Variants in ACACB observed in about 807,000 individuals in gnomAD.
ACACB encodes acetyl-CoA carboxylase 2.
A neutral mutation model predicts 278.8 loss-of-function variants in ACACB; 209 were observed. The observed-to-expected ratio is 0.75, with a 90% CI of 0.67 to 0.84. ACACB has a LOEUF of 0.84. Ranked by LOEUF, ACACB falls within the 40% of genes least tolerant of loss-of-function variation. ACACB has a pLI of 0.00. For synonymous variants in ACACB, 1,174 were observed against 1,285.6 expected (o/e 0.91, Z 1.86); for missense variants, 2,850 against 3,269.0 (o/e 0.87, Z 3.13).
chr12:109,171,049 T>C (rs1242423496), intron 4 of ACACB, among the ~76,000 whole-genome samples: 18 of 144,344 alleles, frequency 1.2e-4, no homozygotes, highest in Middle Eastern at 3.6e-3. Context: ...AGACAAAGTC[T>C]CTGTGTGTTG....
At chr12:109,208,159 ACT>A (rs936159653) in intron 20 of ACACB, among the ~76,000 whole-genome samples, 1 of 151,156 alleles carries the variant, frequency 6.6e-6, no homozygotes, top group Admixed American at 6.6e-5. Flanking sequence ...CAGGATTCTG[ACT>A]CTGTGCTCTT....
rs1565990549 is a variant in ACACB, at chr12:109,266,387, G to A, written c.*25G>A. 6.3e-7 allele frequency: 1 copy of A among 1,584,702 alleles called. No individual in the cohort carries two copies. Among genetic ancestry groups the A allele is most frequent in the Non-Finnish European group, 8.6e-7 (1 of 1,168,344 alleles). ...ACCGTGGCCCGCCCAGCCACTCCCG[G>A]GACCACGGCAAAAGGAACCACCCAG... On this transcript the variant is annotated 3_prime_UTR_variant, in exon 53 of 53. Coordinates refer to ENST00000338432, the MANE Select transcript of ACACB (RefSeq NM_001093.4).
At chr12:109,209,983 G>A (rs1327087170) in intron 21 of ACACB, among the ~76,000 whole-genome samples, 1 of 84,246 alleles carries the variant, frequency 1.2e-5, no homozygotes, top group Non-Finnish European at 2.4e-5. Flanking sequence ...ATACACACAC[G>A]TGTGTGTATA....
chr12:109,263,242 T>G (rs1255094296), intron 49 of ACACB: 1 of 152,140 alleles, frequency 6.6e-6, no homozygotes, highest in Non-Finnish European at 1.5e-5. Flanking sequence ...AGTGGCGCAA[T>G]CTCAGCTCAC....
intron 24 of ACACB, among the ~76,000 whole-genome samples, chr12:109,221,827 C>T (rs1275859336): frequency 6.7e-6 from 1 of 150,074 alleles, no homozygotes; most frequent in South Asian, 2.1e-4. Flanking sequence ...TATAAAGGGT[C>T]TAGCTGTTTA....
In ACACB at chr12:109,233,927, C is replaced by A. The variant is rs761276325; in HGVS notation, c.4240-11C>A. ...GGCTTTCCAGCCCTACCCCTTGCTT[C>A]TCCCTCTCAGAGCCTCAGAGAAGAG... is the stretch of plus-strand genomic sequence containing the variant. On this transcript the variant is annotated splice_polypyrimidine_tract_variant and intron_variant, in intron 30 of 52. Transcript: ENST00000338432. The A allele has an allele frequency of 1.2e-6, 2 of 1,613,702 alleles. No individual in the cohort carries two copies. Among genetic ancestry groups the A allele is most frequent in the African/African-American group, 2.7e-5 (2 of 74,926 alleles).
rs557095326 is a variant in ACACB at position 109,210,123 on chromosome 12, A to G, written c.3249+770A>G. Among the ~76,000 whole-genome samples, 4 of 93,738 alleles carry G rather than the reference A, an allele frequency of 4.3e-5. 1 individual carries two copies. Among genetic ancestry groups the G allele is most frequent in the Admixed American group, 3.2e-4 (3 of 9,400 alleles). 61.5% of individuals were successfully genotyped at this position (93,738 alleles called of 152,430 possible). A position where few individuals can be genotyped will look rare whatever the true frequency, so the allele number is the denominator to read the frequency against. ...TGTGTGTATATGTATATATACACGT[A>G]CATGTATGTGTGTATATATGTATAT... On this transcript the variant is annotated intron_variant, in intron 21 of 52. Transcript: ENST00000338432.
At chr12:109,114,054 A>C (rs2042357839), upstream of ACACB, among the ~76,000 whole-genome samples, 1 of 152,022 alleles carries the variant, frequency 6.6e-6, no homozygotes, top group Non-Finnish European at 1.5e-5. Context: ...GTCATGGCTC[A>C]CTGCAGCCTC....
At chr12:109,143,780 C>G (rs1395287680) in intron 2 of ACACB, among the ~76,000 whole-genome samples, 1 of 152,084 alleles carries the variant, frequency 6.6e-6, no homozygotes, top group African/African-American at 2.4e-5. Context: ...TTCAGGGAGT[C>G]AAGCCTTAGA....
chr12:109,190,653 C>T lies in ACACB; in HGVS notation c.2145-960C>T, dbSNP rs568352253. Reference sequence around the variant, plus strand: ...TTTTTTTTCTTCTTTTAAGAGATAGCGTCTCACTGTGTTGCCCAGGCTGGA... The same window carrying T: ...TTTTTTTTCTTCTTTTAAGAGATAGTGTCTCACTGTGTTGCCCAGGCTGGA... On this transcript the variant is annotated intron_variant, in intron 13 of 52. Coordinates refer to ENST00000338432, the MANE Select transcript of ACACB (RefSeq NM_001093.4). Among the ~76,000 whole-genome samples the T allele has an allele frequency of 2.6e-5, 4 of 151,762 alleles. No individual in the cohort carries two copies. In the South Asian group the frequency reaches 6.3e-4, roughly 24 times the overall value.
Position 109,231,998 on chromosome 12 carries a change from A to G in ACACB, c.4002-671A>G, listed in dbSNP as rs78609625. On this transcript the variant is annotated intron_variant, in intron 28 of 52. Transcript: ENST00000338432. The stretch of plus-strand genomic sequence containing the variant: ...ACGATAGGAACCTTCCCCAAGTCCA[A>G]GTTCCCAGAGGCCAGCCAAGGGCTG... Among the ~76,000 whole-genome samples, 864 of 152,278 alleles carry G rather than the reference A, an allele frequency of 5.7e-3. 6 individuals carry two copies. Among genetic ancestry groups the G allele is most frequent in the African/African-American group, 0.015 (628 of 41,556 alleles).
intron 15 of ACACB, among the ~76,000 whole-genome samples, chr12:109,192,528 G>A (rs2044930896): frequency 6.6e-6 from 1 of 152,078 alleles, no homozygotes; most frequent in Non-Finnish European, 1.5e-5. Context: ...TTCCCTCTGA[G>A]TCATGACAAT....
In ACACB at chr12:109,206,778, G is replaced by C; in HGVS notation, c.2982G>C (p.Gln994His). ...TLPILGEKLH[Q>H]VFHSVLENLT... ...CCATCCTCGGAGAGAAACTGCACCA[G>C]GTCTTCCACAGCGTCCTGGAAAACC... Residue 994 changes from glutamine (Q) to histidine (H), a missense_variant, in exon 20 of 53, where the codon CAG becomes CAC. Coordinates refer to ENST00000338432, the MANE Select transcript of ACACB (RefSeq NM_001093.4). 1 of 1,614,116 alleles carries C rather than the reference G, an allele frequency of 6.2e-7. No homozygotes were observed. The highest frequency in any genetic ancestry group is 8.5e-7 in the Non-Finnish European group (1 of 1,180,022).
intron 24 of ACACB, among the ~76,000 whole-genome samples, chr12:109,217,849 G>A (rs1439347617): frequency 6.6e-6 from 1 of 152,200 alleles, no homozygotes; most frequent in African/African-American, 2.4e-5. Flanking sequence ...CAGGCAATGA[G>A]TCGGGTTTGT....
In ACACB at chr12:109,203,258, C is replaced by T. The variant is rs568574745; in HGVS notation, c.2913+1557C>T. On this transcript the variant is annotated intron_variant, in intron 19 of 52. Coordinates refer to ENST00000338432, the MANE Select transcript of ACACB (RefSeq NM_001093.4). ...AATCACATTTTGTTTATCCACCCAT[C>T]CACTGATGGACACTTGGATTGTTTC... Among the ~76,000 whole-genome samples the T allele has an allele frequency of 2.6e-5, 4 of 152,314 alleles. No individual in the cohort carries two copies. In the South Asian group the frequency reaches 8.3e-4, roughly 32 times the overall value.
chr12:109,199,492 A>G lies in ACACB; in HGVS notation c.2718A>G (p.Thr906=). 6.4e-7 allele frequency: 1 copy of G among 1,563,708 alleles called. No individual in the cohort carries two copies. Among genetic ancestry groups the G allele is most frequent in the Non-Finnish European group, 8.7e-7 (1 of 1,154,698 alleles). Residue 906 remains threonine (T), a synonymous_variant, in exon 18 of 53, where the codon ACA becomes ACG. Transcript: ENST00000338432. ...GATCCCCCTCGGCTGGGAAGCTGAC[A>G]CAGTACACAGTGGAGGATGGGGGCC... ...VLRSPSAGKL[T]QYTVEDGGHV...
At chr12:109,130,245 C>G (rs2042789133) in intron 1 of ACACB, among the ~76,000 whole-genome samples, 1 of 152,190 alleles carries the variant, frequency 6.6e-6, no homozygotes, top group South Asian at 2.1e-4. Flanking sequence ...ACTCATTGAA[C>G]TCTTAACAGC....
chr12:109,117,830 T>G (rs2042443791), intron 1 of ACACB, among the ~76,000 whole-genome samples: 1 of 152,172 alleles, frequency 6.6e-6, no homozygotes, highest in Non-Finnish European at 1.5e-5. Flanking sequence ...CACTGCAAGC[T>G]CCGCCTCCTG....
rs1404152436 is a variant in ACACB at position 109,251,968 on chromosome 12, G to A, written c.5791-78G>A. On this transcript the variant is annotated intron_variant, in intron 41 of 52. Coordinates refer to ENST00000338432, the MANE Select transcript of ACACB (RefSeq NM_001093.4). ...CATAACTTCCATTTGGTCCCAGCAGGTTCCTGGACTCTTCCCTGCTGTGGG... is the reference window on the plus strand; with the variant it reads ...CATAACTTCCATTTGGTCCCAGCAGATTCCTGGACTCTTCCCTGCTGTGGG... 7.2e-6 allele frequency: 8 copies of A among 1,116,956 alleles called. No individual in the cohort carries two copies. The Admixed American group carries it at 1.7e-4, about 24-fold the overall frequency. 69.2% of individuals were successfully genotyped at this position (1,116,956 alleles called of 1,614,324 possible).
Sources: allele counts gnomAD v4.1 joint callset (sites outside exome capture counted in the v4.1 genomes callset), GRCh38; gene constraint gnomAD v4.1.1; transcripts MANE v1.5; gene names NCBI Gene and HGNC (gene_info 2026-07-23, HGNC 2026-07-21).